The following CALN1 variants were observed in gnomAD, a reference collection of about 807,000 sequenced individuals.
CALN1 encodes calneuron 1.
A neutral mutation model predicts 30.6 loss-of-function variants in CALN1; 17 were observed. That is an observed-to-expected ratio of 0.56 (90% CI 0.38 to 0.83). The LOEUF (loss-of-function observed/expected upper bound fraction) is 0.83. CALN1 is among the 40% of genes least tolerant of loss of function. CALN1 has a pLI of 0.00. For synonymous variants in CALN1, 156 were observed against 131.4 expected, an observed-to-expected ratio of 1.19 and a Z score of -1.28; for missense variants, 291 against 354.9, an observed-to-expected ratio of 0.82 and a Z score of 1.45.
Position 72,338,525 on chromosome 7 carries a change from G to GTGTGTGTGTGTGTGTGTCTGTCTGTC in CALN1, c.120-59716_120-59715insGACAGACAGACACACACACACACACA. Among the ~76,000 whole-genome samples the GTGTGTGTGTGTGTGTGTCTGTCTGTC allele has an allele frequency of 1.5e-3, 188 of 122,352 alleles. 5 individuals carry two copies. The highest frequency in any genetic ancestry group is 2.2e-3 in the Non-Finnish European group (129 of 57,718). 80.3% of individuals were successfully genotyped at this position (122,352 alleles called of 152,430 possible). A position where few individuals can be genotyped will look rare whatever the true frequency, so the allele number is the denominator to read the frequency against. ...TGTGTGTGTGTGTGTGTGTGTGTGT[G>GTGTGTGTGTGTGTGTGTCTGTCTGTC]TGTCTCACCTGGGTGTGGTTTCAGA... On this transcript the variant is annotated intron_variant, in intron 2 of 6. Transcript: ENST00000395275.
At chr7:71,935,114 A>C (rs1022801716) in intron 5 of CALN1, among the ~76,000 whole-genome samples, 2 of 152,128 alleles carry the variant, frequency 1.3e-5, no homozygotes, top group Non-Finnish European at 2.9e-5. Flanking sequence ...CACATATCCA[A>C]ACTGTAGCAC....
chr7:71,976,046 G>C (rs1195169753), intron 5 of CALN1, among the ~76,000 whole-genome samples: 3 of 151,834 alleles, frequency 2.0e-5, no homozygotes, highest in Non-Finnish European at 4.4e-5. Context: ...GTCTCCACAA[G>C]AGACAATTTC....
At chr7:71,869,045 A>C (rs1791765411) in intron 5 of CALN1, among the ~76,000 whole-genome samples, 1 of 151,992 alleles carries the variant, frequency 6.6e-6, no homozygotes, top group Non-Finnish European at 1.5e-5. Flanking sequence ...AGCTATGTTC[A>C]CTTCAACAAC....
Position 71,784,431 on chromosome 7 carries a change from CT to C in CALN1, c.*3343del, listed in dbSNP as rs112509429. ...CAAGGGTTGCCATGGTAATATCCCT[CT>C]TTTTTTTTTGTCAGATCAGTCACGT... On this transcript the variant is annotated 3_prime_UTR_variant, in exon 7 of 7. Transcript: ENST00000395275. 2.9e-3 allele frequency: 484 copies of C among 167,564 alleles called. No individual in the cohort carries two copies. Among genetic ancestry groups the C allele is most frequent in the Middle Eastern group, 5.2e-3 (2 of 386 alleles). The allele number at this position is 167,564 out of a possible 1,614,324, so 10.4% of individuals were successfully genotyped here.
intron 4 of CALN1, among the ~76,000 whole-genome samples, chr7:72,065,149 T>C (rs1255141183): frequency 1.7e-5 from 2 of 116,936 alleles, no homozygotes; most frequent in African/African-American, 5.2e-5. Context: ...TTTTAAAATA[T>C]TAATATTAAA....
intron 2 of CALN1, among the ~76,000 whole-genome samples, chr7:72,386,642 T>TA (rs1463906143): frequency 2.0e-5 from 3 of 152,196 alleles, no homozygotes; most frequent in South Asian, 2.1e-4. Flanking sequence ...TATGTGTTGT[T>TA]AGTGTTTTTT....
chr7:72,206,549 C>T (rs1476697891), intron 3 of CALN1, among the ~76,000 whole-genome samples: 1 of 151,954 alleles, frequency 6.6e-6, no homozygotes, highest in African/African-American at 2.4e-5. Flanking sequence ...ACAAGCTTAT[C>T]TTTTTTTGTA....
At chr7:71,925,194 T>C (rs35885709) in intron 5 of CALN1, among the ~76,000 whole-genome samples, 30,779 of 151,810 alleles carry the variant, frequency 0.2, 3,473 homozygotes, top group Admixed American at 0.31. Context: ...TGAGCTGAGA[T>C]TGTGCCACTG....
intron 2 of CALN1, among the ~76,000 whole-genome samples, chr7:72,332,076 AC>A (rs1250230695): frequency 6.6e-6 from 1 of 152,126 alleles, no homozygotes; most frequent in Non-Finnish European, 1.5e-5. Flanking sequence ...TATATGTACC[AC>A]GTTTTCTTTA....
intron 5 of CALN1, among the ~76,000 whole-genome samples, chr7:72,000,075 T>C (rs1438909680): frequency 6.6e-6 from 1 of 152,014 alleles, no homozygotes; most frequent in Non-Finnish European, 1.5e-5. Flanking sequence ...AAAGTGAGCG[T>C]GGAATGTCAA....
intron 3 of CALN1, among the ~76,000 whole-genome samples, chr7:72,153,214 G>A (rs1009104787): frequency 6.6e-6 from 1 of 152,180 alleles, no homozygotes; most frequent in Non-Finnish European, 1.5e-5. Context: ...CCTGCCAGGG[G>A]ACATTATTAC....
chr7:72,282,526 T>C (rs1185458454), intron 2 of CALN1, among the ~76,000 whole-genome samples: 1 of 152,016 alleles, frequency 6.6e-6, no homozygotes, highest in East Asian at 1.9e-4. Flanking sequence ...TATAAAAGGG[T>C]TGGAAGGAAC....
intron 2 of CALN1, among the ~76,000 whole-genome samples, chr7:72,310,879 A>G (rs1799991662): frequency 6.8e-6 from 1 of 146,112 alleles, no homozygotes; most frequent in African/African-American, 2.5e-5. Context: ...CTCTGTCGCC[A>G]GCCTGGCGAC....
intron 5 of CALN1, among the ~76,000 whole-genome samples, chr7:71,969,259 G>A (rs1436219852): frequency 1.3e-5 from 2 of 151,078 alleles, no homozygotes; most frequent in Non-Finnish European, 2.9e-5. Context: ...GTTACCCTTT[G>A]CCCAGGCTCT....
intron 5 of CALN1, among the ~76,000 whole-genome samples, chr7:71,922,610 C>CACAGAATTATATATAAATATATA (rs1795011297): frequency 7.6e-6 from 1 of 132,212 alleles, no homozygotes; most frequent in African/African-American, 2.8e-5. Context: ...ATATATAACA[C>CACAGAATTATATATAAATATATA]ACAGAATATA....
chr7:72,335,867 C>T (rs1226983445), intron 2 of CALN1, among the ~76,000 whole-genome samples: 2 of 152,044 alleles, frequency 1.3e-5, no homozygotes, highest in Non-Finnish European at 2.9e-5. Context: ...CCCCGCTCGC[C>T]CTCGCCCCAA....
chr7:72,336,332 C>A (rs1159318362), intron 2 of CALN1, among the ~76,000 whole-genome samples: 2 of 152,112 alleles, frequency 1.3e-5, no homozygotes, highest in Admixed American at 6.5e-5. Context: ...CGCCTGCGGG[C>A]GGGGGCGCGC....
chr7:71,980,707 T>G (rs1798349456), intron 5 of CALN1, among the ~76,000 whole-genome samples: 1 of 152,090 alleles, frequency 6.6e-6, no homozygotes, highest in Non-Finnish European at 1.5e-5. Flanking sequence ...AAGAACAAAG[T>G]AATCATTTCT....
intron 5 of CALN1, among the ~76,000 whole-genome samples, chr7:71,889,254 A>C (rs1434205900): frequency 6.6e-6 from 1 of 152,236 alleles, no homozygotes; most frequent in African/African-American, 2.4e-5. Flanking sequence ...CCTGGTTCCT[A>C]GATGGCACCT....
Sources: allele counts gnomAD v4.1 joint callset (sites outside exome capture counted in the v4.1 genomes callset), GRCh38; gene constraint gnomAD v4.1.1; transcripts MANE v1.5; gene names NCBI Gene and HGNC (gene_info 2026-07-23, HGNC 2026-07-21).